Variants in CIMIP2A observed in about 807,000 individuals in gnomAD.
CIMIP2A encodes the protein family with sequence similarity 166 member A.
the CIMIP2A span, chr9:137,245,902 G>A: frequency 2.1e-6 from 3 of 1,409,676 alleles, no homozygotes; most frequent in Admixed American, 2.6e-5. Flanking sequence ...GGCAGCCCCA[G>A]CACTGGGCAG....
the CIMIP2A span, among the ~76,000 whole-genome samples, chr9:137,248,492 G>A: frequency 2.0e-5 from 3 of 148,964 alleles, no homozygotes; most frequent in Non-Finnish European, 4.4e-5. Flanking sequence ...GCAATGAGCT[G>A]AGATCGTGCC....
chr9:137,252,344 G>A, the CIMIP2A span: 1 of 1,415,300 alleles, frequency 7.1e-7, no homozygotes, highest in Non-Finnish European at 9.8e-7. Context: ...AAGGGTTCAG[G>A]GGCCGAGGGT....
At chr9:137,252,324 T>C in the CIMIP2A span, 1 of 1,326,048 alleles carries the variant, frequency 7.5e-7, no homozygotes, top group Non-Finnish European at 1.1e-6. Flanking sequence ...TGGGTGGACA[T>C]TGTGAAGACA....
the CIMIP2A span, chr9:137,243,704 A>G: frequency 2.0e-5 from 33 of 1,613,958 alleles, 2 homozygotes; most frequent in Non-Finnish European, 2.5e-5. Flanking sequence ...GCATTTTCAT[A>G]GTGTGTGGTT....
At chr9:137,247,676 G>T in the CIMIP2A span, 1 of 1,613,328 alleles carries the variant, frequency 6.2e-7, no homozygotes. Context: ...ACATAGTGAG[G>T]CTCCGGCGTG....
the CIMIP2A span, chr9:137,247,554 G>A: frequency 9.4e-7 from 1 of 1,058,580 alleles, no homozygotes; most frequent in Non-Finnish European, 1.4e-6. Flanking sequence ...GTTTCCTGGG[G>A]TCCAGCTCTG....
the CIMIP2A span, chr9:137,243,685 A>C: frequency 1.6e-5 from 26 of 1,614,062 alleles, no homozygotes; most frequent in South Asian, 1.5e-4. Context: ...TACAGACACC[A>C]CCATTAAAGC....
chr9:137,253,010 G>A, the CIMIP2A span: 5 of 1,550,882 alleles, frequency 3.2e-6, no homozygotes, highest in Non-Finnish European at 4.4e-6. Flanking sequence ...GGGCATGGGT[G>A]GGCAATGTGA....
the CIMIP2A span, chr9:137,245,084 C>G: frequency 4.2e-5 from 68 of 1,610,476 alleles, no homozygotes; most frequent in Middle Eastern, 9.9e-4. Flanking sequence ...CAGGCCCACA[C>G]CCACCTGAGA....
chr9:137,252,183 C>A, the CIMIP2A span: 1 of 1,573,916 alleles, frequency 6.4e-7, no homozygotes, highest in Non-Finnish European at 8.6e-7. Flanking sequence ...GTCCCTCACC[C>A]TGGGAATGGG....
the CIMIP2A span, chr9:137,244,040 C>T: frequency 9.5e-7 from 1 of 1,047,394 alleles, no homozygotes; most frequent in African/African-American, 1.6e-5. Context: ...ACAATCCTAC[C>T]CCAACCAAGG....
chr9:137,249,429 C>T, the CIMIP2A span, among the ~76,000 whole-genome samples: 1 of 152,190 alleles, frequency 6.6e-6, no homozygotes, highest in Admixed American at 6.5e-5. Flanking sequence ...TTTCCTCCAC[C>T]GTTCCTGGCT....
the CIMIP2A span, chr9:137,243,833 G>C: frequency 6.3e-7 from 1 of 1,591,450 alleles, no homozygotes; most frequent in Non-Finnish European, 8.6e-7. Context: ...ATGTGCCCAG[G>C]ACCAGCATGG....
chr9:137,243,904 TG>T, the CIMIP2A span: 1 of 1,190,142 alleles, frequency 8.4e-7, no homozygotes, highest in Non-Finnish European at 1.2e-6. Context: ...ATCTGCTTGG[TG>T]GGGAACTTGC....
chr9:137,247,533 T>C, the CIMIP2A span: 1 of 852,302 alleles, frequency 1.2e-6, no homozygotes, highest in Non-Finnish European at 1.9e-6. Flanking sequence ...TGCCCCGTGG[T>C]GTGGCCTTCA....
chr9:137,251,340 T>G, the CIMIP2A span: 1 of 1,613,482 alleles, frequency 6.2e-7, no homozygotes, highest in Non-Finnish European at 8.5e-7. Flanking sequence ...TTTACATCAA[T>G]GGAGGCAAAC....
chr9:137,252,207 G>A, the CIMIP2A span: 2 of 1,547,768 alleles, frequency 1.3e-6, no homozygotes, highest in East Asian at 2.3e-5. Context: ...CTTTGCCTCT[G>A]TGCTGAAACC....
the CIMIP2A span, chr9:137,251,522 G>A: frequency 3.1e-6 from 3 of 979,806 alleles, no homozygotes; most frequent in East Asian, 2.4e-5. Context: ...GGGACAGGCT[G>A]TGGGGCAGGC....
chr9:137,247,792 C>CG, the CIMIP2A span: 1 of 1,443,754 alleles, frequency 6.9e-7, no homozygotes, highest in Non-Finnish European at 9.6e-7. Flanking sequence ...GTCCTGTCAC[C>CG]GGGCAACCAT....
Sources: gnomAD v4.1 joint callset for allele counts (sites outside exome capture counted in the v4.1 genomes callset) on GRCh38, gnomAD v4.1.1 for gene constraint, MANE v1.5 for transcripts, NCBI Gene and HGNC (gene_info 2026-07-23, HGNC 2026-07-21) for gene names.